Variants in GUCY1A1 observed in about 807,000 individuals in gnomAD.
The protein encoded by GUCY1A1 is guanylate cyclase soluble subunit alpha-1.
GUCY1A1 carries 48 observed loss-of-function variants against 64.5 expected under a neutral mutation model. The observed-to-expected ratio is 0.74, with a 90% CI of 0.59 to 0.95. The LOEUF (loss-of-function observed/expected upper bound fraction) is 0.95, where lower values mean the gene tolerates loss of function less well. Ranked by LOEUF, GUCY1A1 falls within the 40% of genes least tolerant of loss-of-function variation. The pLI, the probability that GUCY1A1 is intolerant of heterozygous loss-of-function variation, is 0.00. For synonymous variants in GUCY1A1, 308 were observed against 303.4 expected (o/e 1.02, Z -0.16); for missense variants, 804 against 825.3 (o/e 0.97, Z 0.32).
Position 155,708,279 on chromosome 4 carries a change from C to A in GUCY1A1, c.361C>A (p.Gln121Lys). ...AGACTTTGAAAAAACAATTGCAGAG[C>A]AAGCAGTTGCAGCAGGTAATAGAAT... ...REDFEKTIAE[Q>K]AVAAGVPVEV... is the part of the protein sequence containing the mutation. Residue 121 changes from glutamine (Q) to lysine (K), a missense_variant, in exon 5 of 10, where the codon CAA becomes AAA. Coordinates refer to ENST00000506455, the MANE Select transcript of GUCY1A1 (RefSeq NM_001130682.3). The A allele has an allele frequency of 3.2e-6, 5 of 1,540,234 alleles. No individual in the cohort carries two copies. The highest frequency in any genetic ancestry group is 4.5e-6 in the Non-Finnish European group (5 of 1,113,624).
At chr4:155,715,632 A>G (rs368159046) in intron 7 of GUCY1A1, among the ~76,000 whole-genome samples, 31 of 152,274 alleles carry the variant, frequency 2.0e-4, no homozygotes, top group African/African-American at 7.2e-4. Context: ...GGCCCCTAAC[A>G]TCAGGTAGGG....
chr4:155,687,385 A>G (rs1305775321), intron 2 of GUCY1A1, among the ~76,000 whole-genome samples: 2 of 152,198 alleles, frequency 1.3e-5, no homozygotes, highest in African/African-American at 4.8e-5. Context: ...TTTTAAAAAA[A>G]TTATGGACCT....
rs1736052131 is a variant in GUCY1A1 at position 155,736,322 on chromosome 4, G to A, written c.*6091G>A. The A allele has an allele frequency of 6.6e-6, 1 of 151,782 alleles. No individual in the cohort carries two copies. Among genetic ancestry groups the A allele is most frequent in the Non-Finnish European group, 1.5e-5 (1 of 67,892 alleles). The allele number at this position is 151,782 out of a possible 1,614,324, so 9.4% of individuals were successfully genotyped here. On this transcript the variant is annotated 3_prime_UTR_variant, in exon 10 of 10. Coordinates refer to ENST00000506455, the MANE Select transcript of GUCY1A1 (RefSeq NM_001130682.3). The stretch of plus-strand genomic sequence containing the variant: ...GGAAACTGCTACAGTTGGCTAGTGG[G>A]TCTTCACTTTTATTGCTTTGAGAAA...
intron 3 of GUCY1A1, among the ~76,000 whole-genome samples, chr4:155,699,240 G>T (rs928763639): frequency 5.9e-5 from 9 of 151,964 alleles, no homozygotes; most frequent in African/African-American, 1.9e-4. Flanking sequence ...TAGAGATTTT[G>T]AGAGCCTCTC....
chr4:155,733,549 A>G lies in GUCY1A1; in HGVS notation c.*3318A>G, dbSNP rs186687065. ...AATATATAGTAATTAACTACACATG[A>G]CACAGCTTTACATGACCTTAAGTAG... is the stretch of plus-strand genomic sequence containing the variant. On this transcript the variant is annotated 3_prime_UTR_variant, in exon 10 of 10. Coordinates refer to ENST00000506455, the MANE Select transcript of GUCY1A1 (RefSeq NM_001130682.3). Among the ~76,000 whole-genome samples the G allele has an allele frequency of 4.3e-4, 65 of 151,846 alleles. No homozygotes were observed. The highest frequency in any genetic ancestry group is 7.4e-5 in the Non-Finnish European group (5 of 67,846).
chr4:155,667,164 C>T (rs1733415317), intron 1 of GUCY1A1, 182 bp from the exon 2 acceptor site: 1 of 151,732 alleles, frequency 6.6e-6, no homozygotes, highest in Non-Finnish European at 1.5e-5. Flanking sequence ...ATACAGTTTC[C>T]GAGGCACGCC....
chr4:155,729,119 A>G (rs1339122267), intron 9 of GUCY1A1, among the ~76,000 whole-genome samples: 1 of 151,822 alleles, frequency 6.6e-6, no homozygotes, highest in East Asian at 1.9e-4. Flanking sequence ...TCATCATTCT[A>G]TTTAATGTAG....
intron 7 of GUCY1A1, among the ~76,000 whole-genome samples, chr4:155,714,666 T>TA (rs1733003159): frequency 6.6e-6 from 1 of 152,104 alleles, no homozygotes; most frequent in Non-Finnish European, 1.5e-5. Flanking sequence ...ATAAATAAAT[T>TA]ATTGTGGAAG....
rs1289588372 is a variant in GUCY1A1 at position 155,710,921 on chromosome 4, CTTG to C, written c.761_763del (p.Leu254del). The C allele has an allele frequency of 1.9e-6, 3 of 1,614,004 alleles. No homozygotes were observed. Among genetic ancestry groups the C allele is most frequent in the Non-Finnish European group, 2.5e-6 (3 of 1,179,954 alleles). ...GCAGCGAGTTTGTGAATCAGCCCTA[CTTG>C]TTGTACTCCGTTCACATGAAAAGCA... On this transcript the variant is annotated inframe_deletion, in exon 6 of 10. Transcript: ENST00000506455.
intron 9 of GUCY1A1, among the ~76,000 whole-genome samples, chr4:155,724,478 A>C (rs13139616): frequency 0.33 from 49,793 of 151,846 alleles, 10,025 homozygotes; most frequent in East Asian, 0.52. Context: ...CTCCACTCAA[A>C]CGGTTCTTAT....
intron 2 of GUCY1A1, among the ~76,000 whole-genome samples, chr4:155,675,767 A>G (rs1734818819): frequency 6.6e-6 from 1 of 151,548 alleles, no homozygotes; most frequent in Non-Finnish European, 1.5e-5. Context: ...TTGGAGAACA[A>G]ATTATCCTAA....
chr4:155,718,412 A>C (rs986721917), intron 8 of GUCY1A1, among the ~76,000 whole-genome samples: 3 of 152,192 alleles, frequency 2.0e-5, no homozygotes, highest in Admixed American at 6.6e-5. Flanking sequence ...ACTTTTCTAA[A>C]TTTAATGGTA....
chr4:155,709,831 T>C lies in GUCY1A1; in HGVS notation c.377-711T>C, dbSNP rs938212354. 1.1e-4 allele frequency among the ~76,000 whole-genome samples: 16 copies of C among 152,052 alleles called. 1 individual carries two copies. The highest frequency in any genetic ancestry group is 9.2e-4 in the Admixed American group (14 of 15,284). On this transcript the variant is annotated intron_variant, in intron 5 of 9. Transcript: ENST00000506455. ...CTGGGCGACAGAGCGAGACTCTGTC[T>C]CAAAGAAGAAAAAAAAAATTGCCTC...
At chr4:155,676,158 GAGA>G (rs1734890212) in intron 2 of GUCY1A1, among the ~76,000 whole-genome samples, 1 of 39,054 alleles carries the variant, frequency 2.6e-5, no homozygotes. Context: ...TTAAAGTAAA[GAGA>G]AAAAGGAAAC....
Position 155,711,091 on chromosome 4 carries a change from T to C in GUCY1A1, c.926T>C (p.Met309Thr). The C allele has an allele frequency of 1.2e-6, 2 of 1,613,972 alleles. No individual in the cohort carries two copies. Among genetic ancestry groups the C allele is most frequent in the Non-Finnish European group, 1.7e-6 (2 of 1,179,850 alleles). The change falls in exon 6 of 10, where the codon ATG becomes ACG. Residue 309 changes from methionine to threonine, a missense_variant. By Grantham distance (81) the Met-to-Thr change is moderately conservative (BLOSUM62 -1). Coordinates refer to ENST00000506455, the MANE Select transcript of GUCY1A1 (RefSeq NM_001130682.3). Reference protein sequence around the residue: ...LQFGNGIRRLMNRRDFQGKPN... With the variant: ...LQFGNGIRRLTNRRDFQGKPN... ...TTTGGCAATGGCATCAGAAGGCTGA[T>C]GAACAGGAGAGACTTTCAAGGAAAG...
intron 2 of GUCY1A1, among the ~76,000 whole-genome samples, chr4:155,682,154 C>G (rs1735866617): frequency 6.6e-6 from 1 of 152,054 alleles, no homozygotes; most frequent in African/African-American, 2.4e-5. Flanking sequence ...TTCACTTACA[C>G]TGTTCTTTCT....
Position 155,697,136 on chromosome 4 carries a change from C to CT in GUCY1A1, c.255+17dup. The stretch of plus-strand genomic sequence containing the variant: ...ATTTTCCCAGAGGTGAGTGCGTGCT[C>CT]TTTAGATTTTGAAATTGTAATACTT... On this transcript the variant is annotated intron_variant, in intron 3 of 9. Transcript: ENST00000506455. The CT allele has an allele frequency of 6.3e-7, 1 of 1,594,244 alleles. No homozygotes were observed. The highest frequency in any genetic ancestry group is 1.7e-4 in the Middle Eastern group (1 of 5,952).
chr4:155,674,616 A>T (rs1438831935), intron 2 of GUCY1A1, among the ~76,000 whole-genome samples: 1 of 151,356 alleles, frequency 6.6e-6, no homozygotes, highest in Non-Finnish European at 1.5e-5. Flanking sequence ...CTTAGCATGG[A>T]CCTACACAAG....
chr4:155,719,568 T>C (rs1206233771), intron 8 of GUCY1A1, among the ~76,000 whole-genome samples: 1 of 152,198 alleles, frequency 6.6e-6, no homozygotes, highest in Non-Finnish European at 1.5e-5. Context: ...AGTGAAAGAA[T>C]AGAAAATATT....
Sources: gnomAD v4.1 joint callset for allele counts (sites outside exome capture counted in the v4.1 genomes callset) on GRCh38, gnomAD v4.1.1 for gene constraint, MANE v1.5 for transcripts, NCBI Gene and HGNC (gene_info 2026-07-23, HGNC 2026-07-21) for gene names.